CHLSN: variants seen among roughly 807,000 people sequenced by gnomAD.
CHLSN encodes the protein protein cholesin.
the CHLSN span, among the ~76,000 whole-genome samples, chr7:1,105,330 C>A: frequency 2.6e-5 from 4 of 152,220 alleles, no homozygotes; most frequent in Non-Finnish European, 4.4e-5. Context: ...GGTGCTGGCC[C>A]GGTTCTGCCG....
the CHLSN span, among the ~76,000 whole-genome samples, chr7:1,021,098 C>T: frequency 2.6e-5 from 4 of 151,114 alleles, no homozygotes; most frequent in East Asian, 1.9e-4. Context: ...CTGGGGACCT[C>T]GCAGCAGGGA....
At chr7:1,017,084 G>A in the CHLSN span, among the ~76,000 whole-genome samples, 1 of 152,226 alleles carries the variant, frequency 6.6e-6, no homozygotes, top group African/African-American at 2.4e-5. Flanking sequence ...GGTCTGCGGA[G>A]AGCCCGGACC....
chr7:1,071,011 T>C, the CHLSN span, among the ~76,000 whole-genome samples: 2 of 149,098 alleles, frequency 1.3e-5, no homozygotes, highest in Non-Finnish European at 1.5e-5. Flanking sequence ...CACACGCACA[T>C]GCACACACAT....
the CHLSN span, among the ~76,000 whole-genome samples, chr7:1,081,292 G>A: frequency 6.6e-6 from 1 of 152,240 alleles, no homozygotes; most frequent in Non-Finnish European, 1.5e-5. Context: ...TGGGATTTGA[G>A]AGGGCTTCGG....
At chr7:998,464 T>C in the CHLSN span, among the ~76,000 whole-genome samples, 1,157 of 139,392 alleles carry the variant, frequency 8.3e-3, 13 homozygotes, top group African/African-American at 0.033. Flanking sequence ...ATTCTTTTTT[T>C]TTTTTTTTTT....
chr7:1,133,190 T>C, the CHLSN span, among the ~76,000 whole-genome samples: 1 of 151,880 alleles, frequency 6.6e-6, no homozygotes, highest in Non-Finnish European at 1.5e-5. Context: ...CGCCCAAGAC[T>C]CCACACTGCA....
the CHLSN span, among the ~76,000 whole-genome samples, chr7:1,070,999 TGCACAC>T: frequency 4.8e-5 from 7 of 144,580 alleles, no homozygotes; most frequent in Non-Finnish European, 7.9e-5. Flanking sequence ...CACACACACG[TGCACAC>T]GCACATGCAC....
chr7:1,015,349 G>C, the CHLSN span, among the ~76,000 whole-genome samples: 11 of 152,210 alleles, frequency 7.2e-5, no homozygotes, highest in African/African-American at 2.7e-4. Flanking sequence ...GCAGGTCTTT[G>C]TCAACCTGAG....
At chr7:1,058,986 C>T in the CHLSN span, 27 of 185,546 alleles carry the variant, frequency 1.5e-4, no homozygotes, top group African/African-American at 5.5e-4. Context: ...TGCCAGTGGG[C>T]GGCGTGTGCT....
At chr7:1,106,549 G>A in the CHLSN span, among the ~76,000 whole-genome samples, 1 of 152,236 alleles carries the variant, frequency 6.6e-6, no homozygotes, top group Non-Finnish European at 1.5e-5. Context: ...TAGACGGATT[G>A]ACACGTCAGG....
the CHLSN span, chr7:1,080,988 C>G: frequency 6.6e-6 from 1 of 152,618 alleles, no homozygotes; most frequent in Non-Finnish European, 1.5e-5. Flanking sequence ...GTGGGAAGAA[C>G]AGGAAGGCCG....
At chr7:1,019,827 CACTCAGGT>C in the CHLSN span, among the ~76,000 whole-genome samples, 5 of 152,250 alleles carry the variant, frequency 3.3e-5, no homozygotes, top group African/African-American at 1.2e-4. Context: ...TGGGGTCACC[CACTCAGGT>C]CTCTCACTCC....
At chr7:1,127,329 C>T in the CHLSN span, 1 of 1,610,734 alleles carries the variant, frequency 6.2e-7, no homozygotes, top group Non-Finnish European at 8.5e-7. Flanking sequence ...ACGCCTTCTT[C>T]AGCTTTTTGT....
chr7:1,082,036 G>A, the CHLSN span: 3 of 152,332 alleles, frequency 2.0e-5, no homozygotes, highest in Non-Finnish European at 4.4e-5. Flanking sequence ...CCCCGCAGGA[G>A]CACGCACTCC....
At chr7:1,133,146 C>G in the CHLSN span, among the ~76,000 whole-genome samples, 2 of 152,038 alleles carry the variant, frequency 1.3e-5, no homozygotes, top group African/African-American at 4.8e-5. Flanking sequence ...GACAATAAAC[C>G]CAGAAGACAC....
chr7:1,055,085 C>T, the CHLSN span, among the ~76,000 whole-genome samples: 5 of 152,178 alleles, frequency 3.3e-5, no homozygotes, highest in African/African-American at 4.8e-5. Context: ...AGACAGGGGC[C>T]TGCGGGCAGA....
At chr7:1,008,772 A>G in the CHLSN span, among the ~76,000 whole-genome samples, 20 of 151,790 alleles carry the variant, frequency 1.3e-4, no homozygotes, top group Non-Finnish European at 2.5e-4. Context: ...GCATAAACAC[A>G]CACGCACACA....
chr7:1,059,986 T>TG, the CHLSN span, among the ~76,000 whole-genome samples: 3 of 63,110 alleles, frequency 4.8e-5, no homozygotes, highest in African/African-American at 5.7e-5. Context: ...GGGGCGGGTC[T>TG]TAGTGGGGCG....
the CHLSN span, among the ~76,000 whole-genome samples, chr7:1,060,695 G>T: frequency 6.6e-6 from 1 of 152,236 alleles, no homozygotes; most frequent in Non-Finnish European, 1.5e-5. Context: ...TAAGCCGTGG[G>T]ATTAGAGAAC....
Sources: allele counts gnomAD v4.1 joint callset (sites outside exome capture counted in the v4.1 genomes callset), GRCh38; gene constraint gnomAD v4.1.1; transcripts MANE v1.5; gene names NCBI Gene and HGNC (gene_info 2026-07-23, HGNC 2026-07-21).